ATP11A: variants seen among roughly 807,000 people sequenced by gnomAD.
The protein encoded by ATP11A is ATPase phospholipid transporting 11A.
A neutral mutation model predicts 154.4 loss-of-function variants in ATP11A; 81 were observed. The ratio of observed to expected loss-of-function variants is 0.52; its 90% confidence interval spans 0.44 to 0.63. The LOEUF is 0.63. Among genes scored for constraint, ATP11A ranks in the 30% least tolerant of loss-of-function variants. The pLI is 0.00. For synonymous variants in ATP11A, 623 were observed against 585.9 expected (o/e 1.06, Z -0.91); for missense variants, 1,316 against 1,474.3 (o/e 0.89, Z 1.76).
chr13:112,690,470 C>T lies in ATP11A; in HGVS notation c.39+15C>T, dbSNP rs1885018123. ...TGCACAGATACGTGAGTGCTCCCGG[C>T]GCGGGCTGGGGGACCCGGGGACCAG... On this transcript the variant is annotated intron_variant, in intron 1 of 29. Coordinates refer to ENST00000375645, the MANE Select transcript of ATP11A (RefSeq NM_015205.3). The surrounding 1 kb of genome is among the most constrained non-coding windows in gnomAD (Gnocchi z 5.6). 1.5e-6 allele frequency: 2 copies of T among 1,342,500 alleles called. No homozygotes were observed. The highest frequency in any genetic ancestry group is 2.1e-5 in the South Asian group (1 of 47,260). 83.2% of individuals were successfully genotyped at this position (1,342,500 alleles called of 1,614,324 possible).
Position 112,816,102 on chromosome 13 carries a change from T to G in ATP11A, c.461T>G (p.Val154Gly), listed in dbSNP as rs1424979119. ...CTGTAGGTTGGGGACATTGTCATGG[T>G]TAAGGAGGACGAGACCTTTCCCTGC... ...RKLRVGDIVM[V>G]KEDETFPCDL... Residue 154 changes from valine (V) to glycine (G), a missense_variant, in exon 6 of 30, where the codon GTT becomes GGT. Coordinates refer to ENST00000375645, the MANE Select transcript of ATP11A (RefSeq NM_015205.3). 6.2e-7 allele frequency: 1 copy of G among 1,614,206 alleles called. No homozygotes were observed.
rs535830874 is a variant in ATP11A at position 112,767,196 on chromosome 13, T to C, written c.40-17939T>C. On this transcript the variant is annotated intron_variant, in intron 1 of 29. Coordinates refer to ENST00000375645, the MANE Select transcript of ATP11A (RefSeq NM_015205.3). ...TAGGAAGGTAGGGAGGATGTGGGGG[T>C]GTTGGGGGCCCCTGTGGGAAGGTGG... Among the ~76,000 whole-genome samples, 3 of 3,922 alleles carry C rather than the reference T, an allele frequency of 7.6e-4. 1 individual carries two copies. Among genetic ancestry groups the C allele is most frequent in the African/African-American group, 9.8e-4 (1 of 1,022 alleles). 2.6% of individuals were successfully genotyped at this position (3,922 alleles called of 152,430 possible). A position where few individuals can be genotyped will look rare whatever the true frequency, so the allele number is the denominator to read the frequency against.
At chr13:112,711,409 C>G (rs1253211616) in intron 1 of ATP11A, among the ~76,000 whole-genome samples, 1 of 152,032 alleles carries the variant, frequency 6.6e-6, no homozygotes, top group African/African-American at 2.4e-5. Flanking sequence ...GAGTTCGAAG[C>G]CAACCTGGGC....
At chr13:112,816,659 G>A (rs117174542) in intron 6 of ATP11A, among the ~76,000 whole-genome samples, 8 of 152,246 alleles carry the variant, frequency 5.3e-5, no homozygotes, top group African/African-American at 9.6e-5. Flanking sequence ...TCTAGTCCTC[G>A]TGTTGTACGT....
chr13:112,695,637 ACT>A (rs1491007367), intron 1 of ATP11A, among the ~76,000 whole-genome samples: 9 of 152,232 alleles, frequency 5.9e-5, no homozygotes, highest in African/African-American at 2.2e-4. Context: ...GGATAAGAAC[ACT>A]GTCTTCAGTT....
In ATP11A at chr13:112,883,052, A is replaced by G. The variant is rs970885500; in HGVS notation, c.*1186A>G. 3.8e-5 allele frequency: 14 copies of G among 373,272 alleles called. No individual in the cohort carries two copies. Among genetic ancestry groups the G allele is most frequent in the African/African-American group, 3.2e-4 (12 of 37,736 alleles). The allele number at this position is 373,272 out of a possible 1,614,324, so 23.1% of individuals were successfully genotyped here. ...CCTCATCCCGTCACCTCGTCCCCAC[A>G]TCCCCTTGCCCCGTCACCTCGTCCT... On this transcript the variant is annotated 3_prime_UTR_variant, in exon 30 of 30. Transcript: ENST00000375645.
At chr13:112,716,686 G>A (rs1888495863) in intron 1 of ATP11A, among the ~76,000 whole-genome samples, 1 of 152,200 alleles carries the variant, frequency 6.6e-6, no homozygotes, top group African/African-American at 2.4e-5. Context: ...CCGGGCCGCT[G>A]GAGAGGGTGT....
intron 1 of ATP11A, among the ~76,000 whole-genome samples, chr13:112,713,389 C>T (rs536121917): frequency 4.6e-5 from 7 of 151,948 alleles, no homozygotes; most frequent in African/African-American, 9.7e-5. Flanking sequence ...AGCAAGACTC[C>T]GTCTCTAAAA....
chr13:112,701,770 T>C (rs1246156069), intron 1 of ATP11A, among the ~76,000 whole-genome samples: 1 of 151,920 alleles, frequency 6.6e-6, no homozygotes, highest in Non-Finnish European at 1.5e-5. Context: ...GAGGCGGAGC[T>C]TGCAGTGAGA....
At chr13:112,708,356 G>A (rs561017475) in intron 1 of ATP11A, among the ~76,000 whole-genome samples, 104 of 152,076 alleles carry the variant, frequency 6.8e-4, no homozygotes, top group Non-Finnish European at 1.0e-3. Flanking sequence ...TAAAATTCAC[G>A]GTCCGAAACC....
chr13:112,694,979 G>C (rs12871862), intron 1 of ATP11A, among the ~76,000 whole-genome samples: 1 of 152,016 alleles, frequency 6.6e-6, no homozygotes, highest in African/African-American at 2.4e-5. Context: ...ATTTATTACC[G>C]AATGGTGTAT....
In ATP11A at chr13:112,875,686, C is replaced by T. The variant is rs1278376120; in HGVS notation, c.3162-90C>T. 1.3e-5 allele frequency: 19 copies of T among 1,433,104 alleles called. No homozygotes were observed. Among genetic ancestry groups the T allele is most frequent in the Admixed American group, 4.0e-5 (2 of 49,652 alleles). The allele number at this position is 1,433,104 out of a possible 1,614,324, so 88.8% of individuals were successfully genotyped here. ...CAACTCTCACTGACAAAAGTGTAAA[C>T]TCCCTGAACAGACGGCCTCTCCAGT... On this transcript the variant is annotated intron_variant, in intron 27 of 29. Coordinates refer to ENST00000375645, the MANE Select transcript of ATP11A (RefSeq NM_015205.3). The surrounding 1 kb of genome is among the most constrained non-coding windows in gnomAD (Gnocchi z 4.1).
intron 1 of ATP11A, among the ~76,000 whole-genome samples, chr13:112,770,091 CCT>C: frequency 6.6e-6 from 1 of 152,216 alleles, no homozygotes; most frequent in East Asian, 1.9e-4. Flanking sequence ...CGGCTCTTTT[CCT>C]CTGTGTCTCG....
intron 2 of ATP11A, among the ~76,000 whole-genome samples, chr13:112,786,959 C>G (rs915219047): frequency 2.0e-5 from 3 of 150,814 alleles, no homozygotes; most frequent in Non-Finnish European, 2.9e-5. Context: ...CTACTTAATT[C>G]ACACCGGGTG....
At chr13:112,863,600 C>T (rs2080201260) in intron 25 of ATP11A, among the ~76,000 whole-genome samples, 1 of 150,760 alleles carries the variant, frequency 6.6e-6, no homozygotes, top group Non-Finnish European at 1.5e-5. Context: ...CATGCAGCTT[C>T]TCAGCGGGGT....
chr13:112,860,911 A>G (rs2080082659), intron 24 of ATP11A: 1 of 153,076 alleles, frequency 6.5e-6, no homozygotes, highest in African/African-American at 2.4e-5. Context: ...TCAATATGTT[A>G]CTGTTTTCCA....
chr13:112,721,393 T>C (rs1889159520), intron 1 of ATP11A, among the ~76,000 whole-genome samples: 1 of 152,216 alleles, frequency 6.6e-6, no homozygotes, highest in East Asian at 1.9e-4. Context: ...CACTAAGCAC[T>C]AAGAACAAAG....
chr13:112,766,429 G>C (rs2077078027), intron 1 of ATP11A, among the ~76,000 whole-genome samples: 1 of 152,186 alleles, frequency 6.6e-6, no homozygotes, highest in African/African-American at 2.4e-5. Flanking sequence ...CCCTCACCCA[G>C]AGGCTGTCAC....
chr13:112,701,873 C>T (rs920951326), intron 1 of ATP11A, among the ~76,000 whole-genome samples: 22 of 152,036 alleles, frequency 1.4e-4, no homozygotes, highest in Admixed American at 8.5e-4. Context: ...GAGTAGGTTC[C>T]GCGTCGCCCT....
Sources: allele counts gnomAD v4.1 joint callset (sites outside exome capture counted in the v4.1 genomes callset), GRCh38; gene constraint gnomAD v4.1.1; non-coding constraint Gnocchi (gnomAD v3.1); transcripts MANE v1.5; gene names NCBI Gene and HGNC (gene_info 2026-07-23, HGNC 2026-07-21).